The following TOP6BL variants were observed in gnomAD, a reference collection of about 807,000 sequenced individuals.
TOP6BL encodes the protein type 2 DNA topoisomerase 6 subunit B-like.
chr11:66,796,423 C>T, the TOP6BL span: 1 of 1,317,640 alleles, frequency 7.6e-7, no homozygotes, highest in Non-Finnish European at 1.1e-6. Flanking sequence ...TTTCCAGAGA[C>T]CTTTACTGTG....
chr11:66,747,282 A>C, the TOP6BL span, among the ~76,000 whole-genome samples: 1 of 152,204 alleles, frequency 6.6e-6, no homozygotes, highest in African/African-American at 2.4e-5. Context: ...TCAACTTAAA[A>C]TATTGTGTGT....
At chr11:66,823,312 AAAAG>A in the TOP6BL span, among the ~76,000 whole-genome samples, 3 of 151,804 alleles carry the variant, frequency 2.0e-5, no homozygotes, top group African/African-American at 7.3e-5. Context: ...AAAAAAAAAA[AAAAG>A]CCAGGATTTT....
the TOP6BL span, among the ~76,000 whole-genome samples, chr11:66,780,872 G>A: frequency 6.6e-6 from 1 of 152,122 alleles, no homozygotes; most frequent in Non-Finnish European, 1.5e-5. Flanking sequence ...ATGAGCCACC[G>A]CGCGTGGACC....
At chr11:66,774,401 A>G in the TOP6BL span, among the ~76,000 whole-genome samples, 1 of 151,958 alleles carries the variant, frequency 6.6e-6, no homozygotes, top group Non-Finnish European at 1.5e-5. Context: ...TGATAGGGCA[A>G]ATCTCTCCTC....
the TOP6BL span, among the ~76,000 whole-genome samples, chr11:66,747,711 T>A: frequency 6.6e-6 from 1 of 152,106 alleles, no homozygotes; most frequent in African/African-American, 2.4e-5. Context: ...CTCAATCTTA[T>A]GGGCTCAAGA....
the TOP6BL span, among the ~76,000 whole-genome samples, chr11:66,826,603 A>G: frequency 2.6e-5 from 4 of 152,194 alleles, no homozygotes; most frequent in Non-Finnish European, 5.9e-5. Context: ...GGGAATTCTA[A>G]GGTATCCATT....
the TOP6BL span, among the ~76,000 whole-genome samples, chr11:66,784,687 C>G: frequency 1.4e-4 from 21 of 152,254 alleles, no homozygotes; most frequent in African/African-American, 5.1e-4. Flanking sequence ...TTTTCAAGGC[C>G]TATCCATGTT....
the TOP6BL span, among the ~76,000 whole-genome samples, chr11:66,757,482 ACTT>A: frequency 2.4e-4 from 37 of 152,152 alleles, no homozygotes; most frequent in Non-Finnish European, 1.0e-4. Flanking sequence ...ATCCAATAAA[ACTT>A]CTTTGTGATG....
chr11:66,830,935 C>T, the TOP6BL span, among the ~76,000 whole-genome samples: 3 of 152,190 alleles, frequency 2.0e-5, no homozygotes, highest in African/African-American at 4.8e-5. Context: ...GAACACAACT[C>T]GGTTTTTTTA....
At chr11:66,814,594 T>TA in the TOP6BL span, among the ~76,000 whole-genome samples, 1 of 152,106 alleles carries the variant, frequency 6.6e-6, no homozygotes, top group Admixed American at 6.6e-5. Flanking sequence ...GTTCTCCTCT[T>TA]ACTTCCTCTG....
the TOP6BL span, among the ~76,000 whole-genome samples, chr11:66,834,193 G>C: frequency 3.3e-5 from 5 of 152,214 alleles, no homozygotes; most frequent in Admixed American, 2.6e-4. Context: ...TACAGATGAG[G>C]AAACTGATTA....
the TOP6BL span, among the ~76,000 whole-genome samples, chr11:66,813,395 A>G: frequency 2.6e-5 from 4 of 152,150 alleles, no homozygotes; most frequent in Non-Finnish European, 2.9e-5. Context: ...TAGTGGATCT[A>G]TCTCTGGTGC....
At chr11:66,812,377 C>T in the TOP6BL span, among the ~76,000 whole-genome samples, 2 of 152,144 alleles carry the variant, frequency 1.3e-5, no homozygotes, top group African/African-American at 4.8e-5. Flanking sequence ...GGGGTTTCAC[C>T]GTGTTAGCCA....
At chr11:66,801,244 C>CT in the TOP6BL span, 26 of 804,196 alleles carry the variant, frequency 3.2e-5, no homozygotes, top group Admixed American at 1.7e-4. Context: ...AGAAGTAAAA[C>CT]TTTTTTTTAT....
At chr11:66,758,113 CT>C in the TOP6BL span, 2 of 983,184 alleles carry the variant, frequency 2.0e-6, no homozygotes, top group Non-Finnish European at 2.4e-6. Flanking sequence ...GGTCATGTTT[CT>C]CTGGGGAAGG....
At chr11:66,813,907 A>C in the TOP6BL span, 29 of 1,613,940 alleles carry the variant, frequency 1.8e-5, no homozygotes, top group Middle Eastern at 6.6e-4. Context: ...GATATTGTCA[A>C]CTTGGGAGCA....
At chr11:66,807,162 AAG>A in the TOP6BL span, among the ~76,000 whole-genome samples, 4 of 152,224 alleles carry the variant, frequency 2.6e-5, no homozygotes, top group Non-Finnish European at 5.9e-5. Context: ...TGTTTTAAAA[AAG>A]AGAGAGAGCT....
At chr11:66,784,623 A>G in the TOP6BL span, among the ~76,000 whole-genome samples, 1 of 152,244 alleles carries the variant, frequency 6.6e-6, no homozygotes, top group Non-Finnish European at 1.5e-5. Context: ...CATCTCATAT[A>G]AATGGAATCA....
the TOP6BL span, among the ~76,000 whole-genome samples, chr11:66,783,977 C>T: frequency 6.6e-6 from 1 of 152,154 alleles, no homozygotes; most frequent in East Asian, 1.9e-4. Flanking sequence ...AGCTGTGCAC[C>T]ACCACACCTA....
Sources: gnomAD v4.1 joint callset for allele counts (sites outside exome capture counted in the v4.1 genomes callset) on GRCh38, gnomAD v4.1.1 for gene constraint, MANE v1.5 for transcripts, NCBI Gene and HGNC (gene_info 2026-07-23, HGNC 2026-07-21) for gene names.